Variants in RAB11FIP4 observed in about 807,000 individuals in gnomAD.
RAB11FIP4 encodes rab11 family-interacting protein 4.
RAB11FIP4 carries 23 observed loss-of-function variants against 74.3 expected under a neutral mutation model. The observed-to-expected ratio is 0.31, with a 90% CI of 0.22 to 0.44. The LOEUF (loss-of-function observed/expected upper bound fraction) is 0.44. RAB11FIP4 is among the 20% of genes least tolerant of loss of function. The pLI is 1.00. For missense variants in RAB11FIP4, 630 were observed against 863.9 expected (o/e 0.73, Z 3.39); for synonymous variants, 360 against 359.9 (o/e 1.00, Z 0.00).
intron 3 of RAB11FIP4, among the ~76,000 whole-genome samples, chr17:31,485,210 C>T (rs548283328): frequency 4.6e-5 from 7 of 152,334 alleles, no homozygotes; most frequent in South Asian, 2.1e-4. Context: ...TAAGTGGAAC[C>T]GGGCAGGCTT....
chr17:31,417,621 T>A (rs1352979913), intron 1 of RAB11FIP4, among the ~76,000 whole-genome samples: 1 of 152,158 alleles, frequency 6.6e-6, no homozygotes, highest in African/African-American at 2.4e-5. Flanking sequence ...CCGATGCCCA[T>A]GGGGGCCAGG....
At chr17:31,425,991 C>T (rs550871578) in intron 1 of RAB11FIP4, among the ~76,000 whole-genome samples, 6 of 152,344 alleles carry the variant, frequency 3.9e-5, no homozygotes, top group East Asian at 1.9e-4. Context: ...TGTGAAATGA[C>T]GGGCTGGGTC....
chr17:31,442,460 A>G (rs1175507766), intron 3 of RAB11FIP4, among the ~76,000 whole-genome samples: 1 of 152,198 alleles, frequency 6.6e-6, no homozygotes, highest in East Asian at 1.9e-4. Flanking sequence ...GGAGCTTGTT[A>G]TTGTAAATAA....
intron 1 of RAB11FIP4, among the ~76,000 whole-genome samples, chr17:31,416,616 G>A (rs1297437639): frequency 1.3e-5 from 2 of 152,212 alleles, no homozygotes; most frequent in African/African-American, 4.8e-5. Flanking sequence ...TGGGAGTGAG[G>A]ATAAACAAGC....
intron 1 of RAB11FIP4, among the ~76,000 whole-genome samples, chr17:31,412,889 A>T (rs1227593736): frequency 6.8e-6 from 1 of 147,642 alleles, no homozygotes; most frequent in African/African-American, 2.7e-5. Flanking sequence ...CAGGCAAAAA[A>T]ACTGAGGCTC....
intron 3 of RAB11FIP4, among the ~76,000 whole-genome samples, chr17:31,496,121 T>C (rs1480519954): frequency 3.3e-5 from 5 of 152,232 alleles, no homozygotes; most frequent in South Asian, 2.1e-4. Flanking sequence ...GGGGAACTTA[T>C]ATAATTTGTC....
chr17:31,418,832 G>A (rs765753503), intron 1 of RAB11FIP4, among the ~76,000 whole-genome samples: 11 of 152,042 alleles, frequency 7.2e-5, no homozygotes, highest in Non-Finnish European at 1.6e-4. Flanking sequence ...AGTAAAATTC[G>A]CTTTTTGGGG....
intron 3 of RAB11FIP4, among the ~76,000 whole-genome samples, chr17:31,516,517 C>T (rs7212428): frequency 0.028 from 4,301 of 152,270 alleles, 195 homozygotes; most frequent in East Asian, 0.19. Flanking sequence ...TCACCCAGGC[C>T]GAACTGCAGT....
At chr17:31,394,462 G>T (rs2070908117) in intron 1 of RAB11FIP4, among the ~76,000 whole-genome samples, 1 of 152,058 alleles carries the variant, frequency 6.6e-6, no homozygotes, top group Non-Finnish European at 1.5e-5. Context: ...TGTGGTTGTT[G>T]TCACCTTTTA....
intron 3 of RAB11FIP4, among the ~76,000 whole-genome samples, chr17:31,470,400 C>G (rs1362090942): frequency 2.6e-5 from 4 of 152,184 alleles, no homozygotes; most frequent in Non-Finnish European, 5.9e-5. Flanking sequence ...CTTGGAGGTG[C>G]TCACAGTGAG....
chr17:31,488,010 G>C, intron 3 of RAB11FIP4: 3 of 1,008,704 alleles, frequency 3.0e-6, no homozygotes, highest in Non-Finnish European at 3.5e-6. Context: ...CGAGTCCCGG[G>C]GCCCAGGCGC....
intron 4 of RAB11FIP4, among the ~76,000 whole-genome samples, chr17:31,519,867 G>C (rs111631951): frequency 0.051 from 7,730 of 151,808 alleles, 506 homozygotes; most frequent in East Asian, 0.28. Flanking sequence ...AATCCCAGCA[G>C]TTTGGGAGGC....
At position 31,536,801 on chromosome 17, in the gene RAB11FIP4, A is replaced by G; in HGVS notation, c.*5069A>G. ...GACAACTCTGAGGCCCTTCTGCCAT[A>G]TTCTCTGCTACCCACCAGAGAAAAT... On this transcript the variant is annotated 3_prime_UTR_variant, in exon 15 of 15. Transcript: ENST00000621161. 1 of 394,580 alleles carries G rather than the reference A, an allele frequency of 2.5e-6. No homozygotes were observed. Among genetic ancestry groups the G allele is most frequent in the Admixed American group, 4.4e-5 (1 of 22,614 alleles). The allele number at this position is 394,580 out of a possible 1,614,324, so 24.4% of individuals were successfully genotyped here.
intron 3 of RAB11FIP4, among the ~76,000 whole-genome samples, chr17:31,484,124 GCAGTGGCACAATCT>G (rs1005473242): frequency 4.8e-5 from 7 of 145,700 alleles, no homozygotes; most frequent in African/African-American, 1.8e-4. Context: ...AGGCTGGAGT[GCAGTGGCACAATCT>G]TGGCTCACTG....
intron 13 of RAB11FIP4, 128 bp from the exon 14 acceptor site, chr17:31,530,198 C>T (rs2142833623): frequency 1.6e-6 from 2 of 1,255,218 alleles, no homozygotes; most frequent in Non-Finnish European, 2.3e-6. Context: ...CCCCTTGAAC[C>T]AGCCGTGACA....
intron 1 of RAB11FIP4, among the ~76,000 whole-genome samples, chr17:31,413,060 A>C (rs2071113409): frequency 6.6e-6 from 1 of 152,216 alleles, no homozygotes; most frequent in South Asian, 2.1e-4. Flanking sequence ...TCTGTAGCTA[A>C]ACCTCAATTT....
At chr17:31,497,022 A>G (rs761517029) in intron 3 of RAB11FIP4, among the ~76,000 whole-genome samples, 2 of 152,212 alleles carry the variant, frequency 1.3e-5, no homozygotes, top group Admixed American at 6.5e-5. Context: ...TACCTGGCAC[A>G]CAATAGGTGC....
chr17:31,463,319 G>A (rs1218441813), intron 3 of RAB11FIP4, among the ~76,000 whole-genome samples: 12 of 152,068 alleles, frequency 7.9e-5, no homozygotes. Flanking sequence ...TGGGCACAAT[G>A]GTAATCCCCT....
chr17:31,491,112 C>T (rs1177253618), intron 3 of RAB11FIP4, among the ~76,000 whole-genome samples: 1 of 152,258 alleles, frequency 6.6e-6, no homozygotes, highest in African/African-American at 2.4e-5. Flanking sequence ...CACCACAAGA[C>T]AGGCCTGCCT....
Sources: allele counts gnomAD v4.1 joint callset (sites outside exome capture counted in the v4.1 genomes callset), GRCh38; gene constraint gnomAD v4.1.1; transcripts MANE v1.5; gene names NCBI Gene and HGNC (gene_info 2026-07-23, HGNC 2026-07-21).